Variants in MGMT observed in about 807,000 individuals in gnomAD.
The protein encoded by MGMT is O-6-methylguanine-DNA methyltransferase, also known as methylated-DNA--protein-cysteine methyltransferase.
A neutral mutation model predicts 15.9 loss-of-function variants in MGMT; 14 were observed. The ratio of observed to expected loss-of-function variants is 0.88; its 90% confidence interval spans 0.58 to 1.37. MGMT has a LOEUF of 1.37. Among genes scored for constraint, MGMT ranks in the 40% most tolerant of loss-of-function variants. The pLI, the probability that MGMT is intolerant of heterozygous loss-of-function variation, is 0.00. For missense variants in MGMT, 282 were observed against 268.1 expected (o/e 1.05, Z -0.36); for synonymous variants, 130 against 118.2 (o/e 1.10, Z -0.65).
intron 2 of MGMT, among the ~76,000 whole-genome samples, chr10:129,584,977 A>C (rs892968538): frequency 1.3e-5 from 2 of 152,210 alleles, no homozygotes; most frequent in African/African-American, 4.8e-5. Context: ...ATATATACAC[A>C]CACACACACG....
intron 2 of MGMT, among the ~76,000 whole-genome samples, chr10:129,627,685 C>G (rs1035293211): frequency 3.9e-5 from 6 of 152,172 alleles, no homozygotes; most frequent in Admixed American, 2.0e-4. Flanking sequence ...CTTTTTCCAC[C>G]ATGCTTCATA....
intron 1 of MGMT, among the ~76,000 whole-genome samples, chr10:129,474,261 A>G (rs1305403627): frequency 1.3e-5 from 2 of 152,166 alleles, no homozygotes; most frequent in East Asian, 1.9e-4. Context: ...AGTGCTTCCC[A>G]GAGAAGATCA....
chr10:129,502,391 C>A (rs779359075), intron 1 of MGMT, among the ~76,000 whole-genome samples: 1 of 152,044 alleles, frequency 6.6e-6, no homozygotes, highest in Non-Finnish European at 1.5e-5. Flanking sequence ...TAATACGTTG[C>A]GTTCCTACCC....
Position 129,650,333 on chromosome 10 carries a change from T to C in MGMT, c.126-57562T>C, listed in dbSNP as rs1847442420. Among the ~76,000 whole-genome samples, 3 of 152,150 alleles carry C rather than the reference T, an allele frequency of 2.0e-5. No individual in the cohort carries two copies. The South Asian group carries it at 6.2e-4, about 32-fold the overall frequency. On this transcript the variant is annotated intron_variant, in intron 2 of 4. Coordinates refer to ENST00000651593, the MANE Select transcript of MGMT (RefSeq NM_002412.5). Reference sequence around the variant, plus strand: ...GGTGTCTCTGTGGAAGCAATGCCAGTCCTCTAATTCATCTTCGCCAAGCTA... The same window carrying C: ...GGTGTCTCTGTGGAAGCAATGCCAGCCCTCTAATTCATCTTCGCCAAGCTA...
intron 2 of MGMT, among the ~76,000 whole-genome samples, chr10:129,628,303 C>A (rs890749430): frequency 7.9e-5 from 12 of 152,168 alleles, no homozygotes; most frequent in Admixed American, 3.9e-4. Flanking sequence ...GTTTATCATA[C>A]ATGTTTTGGA....
intron 2 of MGMT, among the ~76,000 whole-genome samples, chr10:129,647,014 C>A (rs771193350): frequency 1.5e-3 from 229 of 152,050 alleles, no homozygotes; most frequent in Non-Finnish European, 2.7e-3. Flanking sequence ...CAGTTCCCTT[C>A]CATTTTCCTC....
chr10:129,740,908 C>T (rs1005136392), intron 3 of MGMT, among the ~76,000 whole-genome samples: 7 of 152,162 alleles, frequency 4.6e-5, no homozygotes, highest in Admixed American at 2.0e-4. Flanking sequence ...CATTTTAAGC[C>T]CAGCTACCAA....
chr10:129,571,757 C>T (rs1043014545), intron 2 of MGMT, among the ~76,000 whole-genome samples: 8 of 152,120 alleles, frequency 5.3e-5, no homozygotes, highest in South Asian at 2.1e-4. Flanking sequence ...ATATTAGAAC[C>T]GCCGTGTGTT....
chr10:129,690,982 A>G (rs193261747), intron 2 of MGMT, among the ~76,000 whole-genome samples: 1 of 152,144 alleles, frequency 6.6e-6, no homozygotes, highest in South Asian at 2.1e-4. Context: ...ATGTGACTGG[A>G]GTGTGAAGAG....
chr10:129,719,429 A>G (rs1848341891), intron 3 of MGMT, among the ~76,000 whole-genome samples: 1 of 152,202 alleles, frequency 6.6e-6, no homozygotes, highest in South Asian at 2.1e-4. Context: ...AAACAAAGTG[A>G]TGCCAACTGG....
chr10:129,656,874 C>G (rs1847529996), intron 2 of MGMT, among the ~76,000 whole-genome samples: 1 of 152,088 alleles, frequency 6.6e-6, no homozygotes, highest in Non-Finnish European at 1.5e-5. Context: ...AATTTGGGGG[C>G]CCCAAGGTTC....
chr10:129,754,541 T>C (rs1848784031), intron 3 of MGMT, among the ~76,000 whole-genome samples: 1 of 152,176 alleles, frequency 6.6e-6, no homozygotes. Context: ...AAAGGGATGA[T>C]TCCTCACTCG....
intron 1 of MGMT, among the ~76,000 whole-genome samples, chr10:129,514,881 A>G (rs1845721519): frequency 6.6e-6 from 1 of 152,214 alleles, no homozygotes; most frequent in Admixed American, 6.5e-5. Flanking sequence ...GGCAGCTCAG[A>G]TGGCCTAACA....
chr10:129,538,022 A>G (rs1007344657), intron 2 of MGMT, among the ~76,000 whole-genome samples: 5 of 152,062 alleles, frequency 3.3e-5, no homozygotes, highest in African/African-American at 1.2e-4. Context: ...GTAAGGAAGG[A>G]GTGGGATTTG....
intron 3 of MGMT, among the ~76,000 whole-genome samples, chr10:129,755,780 G>A (rs1848799176): frequency 6.6e-6 from 1 of 152,260 alleles, no homozygotes. Context: ...ACGCACAGGT[G>A]TGTTTGCTGA....
At position 129,524,622 on chromosome 10, in the gene MGMT, C is replaced by T. The variant is rs866718570; in HGVS notation, c.-12-11619C>T. 1.5e-4 allele frequency among the ~76,000 whole-genome samples: 20 copies of T among 131,266 alleles called. No homozygotes were observed. In the East Asian group the frequency reaches 3.9e-3, roughly 25 times the overall value. The allele number at this position is 131,266 out of a possible 152,430, so 86.1% of individuals were successfully genotyped here. A position where few individuals can be genotyped will look rare whatever the true frequency, so the allele number is the denominator to read the frequency against. On this transcript the variant is annotated intron_variant, in intron 1 of 4. Transcript: ENST00000651593. ...TTTTTTTTTTTTTGAGACAGAGTCT[C>T]GCTCTGTCGCCCAGGCTGGAGTGCA...
intron 2 of MGMT, among the ~76,000 whole-genome samples, chr10:129,705,916 G>A (rs1848154971): frequency 6.6e-6 from 1 of 152,100 alleles, no homozygotes; most frequent in Admixed American, 6.5e-5. Context: ...ATCCACACAG[G>A]GCCGGGCAGA....
At chr10:129,743,273 C>T (rs958763571) in intron 3 of MGMT, among the ~76,000 whole-genome samples, 9 of 152,328 alleles carry the variant, frequency 5.9e-5, no homozygotes, top group African/African-American at 1.7e-4. Context: ...TGCTTGCCGG[C>T]GAACGCCACC....
At position 129,533,135 on chromosome 10, in the gene MGMT, G is replaced by C. The variant is rs975604775; in HGVS notation, c.-12-3106G>C. 1.3e-5 allele frequency among the ~76,000 whole-genome samples: 2 copies of C among 152,246 alleles called. No homozygotes were observed. Among genetic ancestry groups the C allele is most frequent in the Non-Finnish European group, 2.9e-5 (2 of 68,046 alleles). ...GGCAACAGTGCCAGCTGCCCTGCCT[G>C]CTGTGCCTGGTTGCCCCACAGATGT... is the stretch of plus-strand genomic sequence containing the variant. On this transcript the variant is annotated intron_variant, in intron 1 of 4. Coordinates refer to ENST00000651593, the MANE Select transcript of MGMT (RefSeq NM_002412.5). This position sits in a 1 kb window ranked among gnomAD's most constrained non-coding sequence, Gnocchi z 4.5.
Sources: allele counts gnomAD v4.1 joint callset (sites outside exome capture counted in the v4.1 genomes callset), GRCh38; gene constraint gnomAD v4.1.1; non-coding constraint Gnocchi (gnomAD v3.1); transcripts MANE v1.5; gene names NCBI Gene and HGNC (gene_info 2026-07-23, HGNC 2026-07-21).